PKP2: variants seen among roughly 807,000 people sequenced by gnomAD.
PKP2 encodes plakophilin-2.
Under a neutral mutation model 83.4 loss-of-function variants are expected in PKP2, and 73 were observed. The observed-to-expected ratio is 0.88, with a 90% CI of 0.72 to 1.06. The LOEUF is 1.06. Ranked by LOEUF, PKP2 falls within the 50% of genes least tolerant of loss-of-function variation. The probability of loss-of-function intolerance (pLI) is 0.00; values close to 1 mark genes in which losing one functional copy is unlikely to be tolerated. For missense variants in PKP2, 966 were observed against 1,065.4 expected, an observed-to-expected ratio of 0.91 and a Z score of 1.30; for synonymous variants, 409 against 430.4, an observed-to-expected ratio of 0.95 and a Z score of 0.62.
At position 32,791,757 on chromosome 12, in the gene PKP2, G is replaced by A. The variant is rs1320761065; in HGVS notation, c.*667C>T. 4 of 151,978 alleles carry A rather than the reference G, an allele frequency of 2.6e-5. No homozygotes were observed. The allele number at this position is 151,978 out of a possible 1,614,324, so 9.4% of individuals were successfully genotyped here. On this transcript the variant is annotated 3_prime_UTR_variant, in exon 13 of 13. Transcript: ENST00000340811. ...TTTTATTTTACTTTAAGTTCTGGGA[G>A]GAAAAGACTTCTTTAATTTGCTATG...
chr12:32,894,678 T>C (rs1156435504), intron 1 of PKP2: 1 of 152,244 alleles, frequency 6.6e-6, no homozygotes, highest in Admixed American at 6.5e-5. Context: ...GCTTGCTCTC[T>C]TCCTAGCTGG....
chr12:32,799,625 C>G (rs1192890585), intron 10 of PKP2, among the ~76,000 whole-genome samples: 1 of 152,100 alleles, frequency 6.6e-6, no homozygotes, highest in Non-Finnish European at 1.5e-5. Flanking sequence ...GACATAATGG[C>G]CTTTGCGGCA....
chr12:32,876,427 G>A (rs112792006), intron 3 of PKP2, among the ~76,000 whole-genome samples: 218 of 152,220 alleles, frequency 1.4e-3, no homozygotes, highest in South Asian at 3.9e-3. Flanking sequence ...TAAAACTGTG[G>A]CTATCACAAA....
In PKP2 at chr12:32,875,803, T is replaced by C. The variant is rs117052697; in HGVS notation, c.1034+2043A>G. ...GTAGACTACAGCAGGAGGAGATGGGTGGAAGTTGAGGATAGGGAGATGATG... is the reference window on the plus strand; with the variant it reads ...GTAGACTACAGCAGGAGGAGATGGGCGGAAGTTGAGGATAGGGAGATGATG... On this transcript the variant is annotated intron_variant, in intron 3 of 12. Coordinates refer to ENST00000340811, the MANE Select transcript of PKP2 (RefSeq NM_001005242.3). Among the ~76,000 whole-genome samples, 23 of 151,994 alleles carry C rather than the reference T, an allele frequency of 1.5e-4. No homozygotes were observed. The East Asian group carries it at 4.3e-3, about 28-fold the overall frequency.
intron 9 of PKP2, among the ~76,000 whole-genome samples, chr12:32,812,657 C>G (rs762188690): frequency 5.3e-5 from 8 of 152,146 alleles, no homozygotes; most frequent in Non-Finnish European, 1.2e-4. Flanking sequence ...CGCCCACCAC[C>G]ATGCCTGGCT....
intron 10 of PKP2, among the ~76,000 whole-genome samples, chr12:32,802,132 C>A (rs1956185979): frequency 6.6e-6 from 1 of 151,872 alleles, no homozygotes; most frequent in African/African-American, 2.4e-5. Context: ...AACAATATTA[C>A]TTATCTTGTT....
intron 11 of PKP2, among the ~76,000 whole-genome samples, chr12:32,793,856 T>C (rs1384649766): frequency 6.6e-6 from 1 of 152,052 alleles, no homozygotes; most frequent in Non-Finnish European, 1.5e-5. Context: ...CGGCCTCTCA[T>C]AGTGCTGGGA....
In PKP2 at chr12:32,895,475, T is replaced by C. The variant is rs1244760647; in HGVS notation, c.223+1034A>G. Among the ~76,000 whole-genome samples, 6 of 152,348 alleles carry C rather than the reference T, an allele frequency of 3.9e-5. No homozygotes were observed. In the East Asian group the frequency reaches 1.2e-3, roughly 29 times the overall value. ...ATTCGCCAATGCCCAAGTTACTTCATACAGAAACAACTGAACGTTGCAGGA... is the reference window on the plus strand; with the variant it reads ...ATTCGCCAATGCCCAAGTTACTTCACACAGAAACAACTGAACGTTGCAGGA... On this transcript the variant is annotated intron_variant, in intron 1 of 12. Transcript: ENST00000340811.
chr12:32,870,990 C>T (rs1956891430), intron 3 of PKP2, among the ~76,000 whole-genome samples: 1 of 152,126 alleles, frequency 6.6e-6, no homozygotes. Context: ...TAAGTGAAGA[C>T]TTCCTCAGCA....
rs1295581142 is a variant in PKP2, at chr12:32,878,519, C to T, written c.361G>A (p.Gly121Ser). The change falls in exon 3 of 13, where the codon GGT (glycine) becomes AGT (serine). Residue 121 changes from glycine to serine, a missense_variant. Transcript: ENST00000340811. Reference sequence around the variant, plus strand: ...TGTGCTGTTCCTCTTCCCCAGCGACCTTCATAAGTGGCAGTTGTGCCAGCC... The same window carrying T: ...TGTGCTGTTCCTCTTCCCCAGCGACTTTCATAAGTGGCAGTTGTGCCAGCC... ...LKAGTTATYE[G>S]RWGRGTAQYS... is the part of the protein sequence containing the mutation. 1.9e-6 allele frequency: 3 copies of T among 1,611,988 alleles called. No homozygotes were observed. In the African/African-American group the frequency reaches 4.0e-5, roughly 22 times the overall value.
intron 6 of PKP2, among the ~76,000 whole-genome samples, chr12:32,840,749 A>C (rs1165224561): frequency 6.6e-6 from 1 of 152,224 alleles, no homozygotes; most frequent in Admixed American, 6.5e-5. Flanking sequence ...CCATCCAAAT[A>C]AAGTCTCTCA....
rs562625703 is a variant in PKP2 at position 32,887,842 on chromosome 12, C to A, written c.223+8667G>T. Among the ~76,000 whole-genome samples, 45 of 152,262 alleles carry A rather than the reference C, an allele frequency of 3.0e-4. 1 individual carries two copies. The South Asian group carries it at 9.3e-3, about 32-fold the overall frequency. On this transcript the variant is annotated intron_variant, in intron 1 of 12. Transcript: ENST00000340811. Reference sequence around the variant, plus strand: ...TTATTATAAACTGGTAATTTAGCATCCTGGTGAAGTATTAAATAGAAATAT... The same window carrying A: ...TTATTATAAACTGGTAATTTAGCATACTGGTGAAGTATTAAATAGAAATAT...
rs773496326 is a variant in PKP2 at position 32,802,532 on chromosome 12, C to T, written c.2038G>A (p.Val680Ile). The change falls in exon 10 of 13, where the codon GTT becomes ATT. Residue 680 changes from valine (V) to isoleucine (I), a missense_variant. Transcript: ENST00000340811. ...GPMPTSVAQTVVQKESGLQHT... is the reference protein window; with the variant it reads ...GPMPTSVAQTIVQKESGLQHT... ...TGCAGGCCACTTTCCTTCTGGACAA[C>T]TGTCTGAGCCACTGATGTCGGCATC... 6.2e-7 allele frequency: 1 copy of T among 1,614,164 alleles called. No homozygotes were observed. Among genetic ancestry groups the T allele is most frequent in the Non-Finnish European group, 8.5e-7 (1 of 1,179,998 alleles).
intron 4 of PKP2, among the ~76,000 whole-genome samples, chr12:32,856,603 TG>T (rs35972009): frequency 6.6e-6 from 1 of 151,552 alleles, no homozygotes; most frequent in African/African-American, 2.4e-5. Context: ...GGGCCTGTCA[TG>T]GGGAAGGGGG....
chr12:32,819,244 T>C (rs2022140), intron 9 of PKP2, among the ~76,000 whole-genome samples: 121,924 of 151,576 alleles, frequency 0.8, 49,264 homozygotes, highest in East Asian at 0.87. Flanking sequence ...TGCCACTGGA[T>C]TCCAGCCTGG....
At chr12:32,891,461 T>C (rs1011339169) in intron 1 of PKP2, among the ~76,000 whole-genome samples, 1 of 152,208 alleles carries the variant, frequency 6.6e-6, no homozygotes, top group Non-Finnish European at 1.5e-5. Context: ...GTAAAATCAA[T>C]GTTAAAATGT....
At chr12:32,834,572 CTG>C (rs1307398997) in intron 6 of PKP2, among the ~76,000 whole-genome samples, 2 of 152,118 alleles carry the variant, frequency 1.3e-5, no homozygotes, top group Non-Finnish European at 2.9e-5. Context: ...CTTCTCTAGT[CTG>C]ATGGAGCCCC....
At chr12:32,879,241 A>C (rs1300729666) in intron 1 of PKP2, among the ~76,000 whole-genome samples, 1 of 152,242 alleles carries the variant, frequency 6.6e-6, no homozygotes, top group African/African-American at 2.4e-5. Flanking sequence ...ATTCTCTACA[A>C]AAGTTTTTCA....
chr12:32,862,910 A>T (rs1215224961), intron 4 of PKP2, among the ~76,000 whole-genome samples: 1 of 151,946 alleles, frequency 6.6e-6, no homozygotes, highest in African/African-American at 2.4e-5. Flanking sequence ...GAGTCAGGAG[A>T]ATTGCATGAA....
Sources: allele counts gnomAD v4.1 joint callset (sites outside exome capture counted in the v4.1 genomes callset), GRCh38; gene constraint gnomAD v4.1.1; transcripts MANE v1.5; gene names NCBI Gene and HGNC (gene_info 2026-07-23, HGNC 2026-07-21).